The following PRR36 variants were observed in gnomAD, a reference collection of about 807,000 sequenced individuals.
The protein encoded by PRR36 is proline rich 36.
PRR36 carries 30 observed loss-of-function variants against 58.6 expected under a neutral mutation model. The ratio of observed to expected loss-of-function variants is 0.51; its 90% confidence interval spans 0.38 to 0.69. The LOEUF (loss-of-function observed/expected upper bound fraction) is 0.69. Among genes scored for constraint, PRR36 ranks in the 30% least tolerant of loss-of-function variants. The probability of loss-of-function intolerance (pLI) is 0.00; values close to 1 mark genes in which losing one functional copy is unlikely to be tolerated. For missense variants in PRR36, 1,692 were observed against 1,805.6 expected (o/e 0.94, Z 1.14); for synonymous variants, 771 against 829.3 (o/e 0.93, Z 1.21).
rs1411100777 is a variant in PRR36, at chr19:7,870,155, G to A, written c.3089C>T (p.Pro1030Leu). 1 of 1,438,670 alleles carries A rather than the reference G, an allele frequency of 7.0e-7. No homozygotes were observed. Among genetic ancestry groups the A allele is most frequent in the Middle Eastern group, 1.8e-4 (1 of 5,584 alleles). 89.1% of individuals were successfully genotyped at this position (1,438,670 alleles called of 1,614,324 possible). A position where few individuals can be genotyped will look rare whatever the true frequency, so the allele number is the denominator to read the frequency against. The change falls in exon 5 of 6, where the codon CCT becomes CTT. Residue 1030 changes from proline (P) to leucine (L), a missense_variant. Transcript: ENST00000618550. Reference protein sequence around the residue: ...QALPSPPASFPGQAPFSPSAS... With the variant: ...QALPSPPASFLGQAPFSPSAS... Reference sequence around the variant, plus strand: ...AGAGGGTGAGAAAGGGGCCTGCCCAGGGAATGAGGCAGGCGGAGAGGGAAG... The same window carrying A: ...AGAGGGTGAGAAAGGGGCCTGCCCAAGGAATGAGGCAGGCGGAGAGGGAAG...
rs565897246 is a variant in PRR36, at chr19:7,872,184, G to A, written c.1060C>T (p.Pro354Ser). 3.5e-5 allele frequency: 51 copies of A among 1,463,186 alleles called. No homozygotes were observed. The Middle Eastern group carries it at 1.1e-3, about 31-fold the overall frequency. The allele number at this position is 1,463,186 out of a possible 1,614,324, so 90.6% of individuals were successfully genotyped here. ...ALQSQAPPTL[P>S]ATPHSSSLTC... is the part of the protein sequence containing the mutation. ...AGGCTCGACGAGTGGGGCGTGGCCG[G>A]CAGGGTGGGCGGGGCCTGACTTTGG... The change falls in exon 5 of 6, where the codon CCG (proline) becomes TCG (serine). Residue 354 changes from proline (P) to serine (S), a missense_variant. Pro to Ser is a moderately conservative substitution (Grantham distance 74, BLOSUM62 -1). Around this residue, in one of 5 missense-constraint regions of PRR36, gnomAD observed 975 missense variants for 955.2 expected, o/e 1.02. Transcript: ENST00000618550. This position sits in a 1 kb window ranked among gnomAD's most constrained non-coding sequence, Gnocchi z 6.1.
At position 7,869,259 on chromosome 19, in the gene PRR36, C is replaced by T; in HGVS notation, c.3815G>A (p.Gly1272Asp). 1 of 1,469,706 alleles carries T rather than the reference C, an allele frequency of 6.8e-7. No individual in the cohort carries two copies. Among genetic ancestry groups the T allele is most frequent in the Non-Finnish European group, 8.9e-7 (1 of 1,121,084 alleles). 91.0% of individuals were successfully genotyped at this position (1,469,706 alleles called of 1,614,324 possible). ...SRTLLLAAAEGAAGGSGGGPG... is the reference protein window; with the variant it reads ...SRTLLLAAAEDAAGGSGGGPG... ...GCCCCCGCCGCTGCCGCCCGCGGCA[C>T]CCTCGGCAGCCGCCAGCAGCAGCGT... The change falls in exon 6 of 6, where the codon GGT becomes GAT. Residue 1272 changes from glycine to aspartate, a missense_variant. Around this residue, in one of 5 missense-constraint regions of PRR36, gnomAD observed 485 missense variants for 549.2 expected, o/e 0.88. Coordinates refer to ENST00000618550, the MANE Select transcript of PRR36 (RefSeq NM_001190467.2).
At position 7,869,885 on chromosome 19, in the gene PRR36, G is replaced by A; in HGVS notation, c.3359C>T (p.Ala1120Val). Residue 1120 changes from alanine (A) to valine (V), a missense_variant, in exon 5 of 6, where the codon GCC becomes GTC. By Grantham distance (64) the Ala-to-Val change is moderately conservative (BLOSUM62 0). Around this residue, in one of 5 missense-constraint regions of PRR36, gnomAD observed 485 missense variants for 549.2 expected, o/e 0.88. Transcript: ENST00000618550. ...PSSTLSGPDLAGHSSSATSTP... is the reference protein window; with the variant it reads ...PSSTLSGPDLVGHSSSATSTP... ...GCTCGTGGCGCTGCTGCTGTGGCCG[G>A]CCAGGTCTGGGCCGCTCAGCGTGCT... is the stretch of plus-strand genomic sequence containing the variant. 2.2e-6 allele frequency: 3 copies of A among 1,336,992 alleles called. No homozygotes were observed. The highest frequency in any genetic ancestry group is 2.9e-6 in the Non-Finnish European group (3 of 1,050,306). The allele number at this position is 1,336,992 out of a possible 1,614,324, so 82.8% of individuals were successfully genotyped here. A position where few individuals can be genotyped will look rare whatever the true frequency, so the allele number is the denominator to read the frequency against.
chr19:7,871,082 G>C lies in PRR36; in HGVS notation c.2162C>G (p.Ser721Cys). 1.3e-6 allele frequency: 2 copies of C among 1,528,210 alleles called. No homozygotes were observed. The highest frequency in any genetic ancestry group is 1.7e-6 in the Non-Finnish European group (2 of 1,143,212). The allele number at this position is 1,528,210 out of a possible 1,614,324, so 94.7% of individuals were successfully genotyped here. The part of the protein sequence containing the change: ...LETQSSLAPP[S>C]LQTPPASLTT... The stretch of plus-strand genomic sequence containing the variant: ...CAGGGAAGCAGGAGGTGTCTGCAGA[G>C]AGGGTGGGGCTAGGGAAGATTGGGT... The change falls in exon 5 of 6, where the codon TCT becomes TGT. Residue 721 changes from serine (S) to cysteine (C), a missense_variant. This residue lies in a region of PRR36 where 38 missense variants were observed against 100.7 expected (regional missense o/e 0.38). Transcript: ENST00000618550.
Position 7,872,528 on chromosome 19 carries a change from G to T in PRR36, c.716C>A (p.Ser239Ter). The change falls in exon 5 of 6, where the codon TCG (serine) becomes TAG (stop). Residue 239 changes from serine to a stop codon, truncating the protein, a stop_gained. Transcript: ENST00000618550. LOFTEE classifies it high-confidence loss of function. This position sits in a 1 kb window ranked among gnomAD's most constrained non-coding sequence, Gnocchi z 6.1. ...SAGGGLQRPASRSLSSSATPL... is the reference protein window; with the variant it reads ...SAGGGLQRPA The stretch of plus-strand genomic sequence containing the variant: ...GGTGGCGCTGGAGCTCAGGGAGCGC[G>T]AGGCCGGCCTCTGGAGACCCCCACC... 2.6e-6 allele frequency: 4 copies of T among 1,514,344 alleles called. No homozygotes were observed. Among genetic ancestry groups the T allele is most frequent in the Non-Finnish European group, 3.5e-6 (4 of 1,137,656 alleles). The allele number at this position is 1,514,344 out of a possible 1,614,324, so 93.8% of individuals were successfully genotyped here. A position where few individuals can be genotyped will look rare whatever the true frequency, so the allele number is the denominator to read the frequency against.
In PRR36 at chr19:7,873,059, G is replaced by T; in HGVS notation, c.375-98C>A. ...GAAATGGGCATGTGCCCTCTCTGAGGACCAATAATGGCTTTCACCCAATTT... is the reference window on the plus strand; with the variant it reads ...GAAATGGGCATGTGCCCTCTCTGAGTACCAATAATGGCTTTCACCCAATTT... On this transcript the variant is annotated intron_variant, in intron 3 of 5. Transcript: ENST00000618550. This position sits in a 1 kb window ranked among gnomAD's most constrained non-coding sequence, Gnocchi z 5.0. 1 of 1,320,590 alleles carries T rather than the reference G, an allele frequency of 7.6e-7. No individual in the cohort carries two copies. Among genetic ancestry groups the T allele is most frequent in the Non-Finnish European group, 1.0e-6 (1 of 957,554 alleles). 81.8% of individuals were successfully genotyped at this position (1,320,590 alleles called of 1,614,324 possible). A position where few individuals can be genotyped will look rare whatever the true frequency, so the allele number is the denominator to read the frequency against.
Position 7,873,819 on chromosome 19 carries a change from C to A in PRR36, c.-7-123G>T. 1 of 1,003,514 alleles carries A rather than the reference C, an allele frequency of 1.0e-6. No individual in the cohort carries two copies. Among genetic ancestry groups the A allele is most frequent in the Non-Finnish European group, 1.4e-6 (1 of 702,652 alleles). 62.2% of individuals were successfully genotyped at this position (1,003,514 alleles called of 1,614,324 possible). A position where few individuals can be genotyped will look rare whatever the true frequency, so the allele number is the denominator to read the frequency against. ...CACCCATGGACACTCAAACCTCGGCCTCGGCTTCCATCCGCTCGGCTCCCA... is the reference window on the plus strand; with the variant it reads ...CACCCATGGACACTCAAACCTCGGCATCGGCTTCCATCCGCTCGGCTCCCA... On this transcript the variant is annotated intron_variant, in intron 1 of 5. Coordinates refer to ENST00000618550, the MANE Select transcript of PRR36 (RefSeq NM_001190467.2). The surrounding 1 kb of genome is among the most constrained non-coding windows in gnomAD (Gnocchi z 5.0).
Position 7,869,727 on chromosome 19 carries a change from G to C in PRR36, c.3517C>G (p.Arg1173Gly). The change falls in exon 5 of 6, where the codon CGC (arginine) becomes GGC (glycine). Residue 1173 changes from arginine to glycine, a missense_variant. By Grantham distance (125) the Arg-to-Gly change is moderately radical (BLOSUM62 -2). This residue lies in a region of PRR36 where 485 missense variants were observed against 549.2 expected (regional missense o/e 0.88). Transcript: ENST00000618550. ...SRGPAPPLAF[R>G]GAPGAPLPWP... ...GGGTGCCCCTTACCTGGGGCTCCGCGGAAAGCCAGCGGCGGAGCGGGGCCT... is the reference window on the plus strand; with the variant it reads ...GGGTGCCCCTTACCTGGGGCTCCGCCGAAAGCCAGCGGCGGAGCGGGGCCT... 7.4e-7 allele frequency: 1 copy of C among 1,344,796 alleles called. No homozygotes were observed. The highest frequency in any genetic ancestry group is 9.5e-7 in the Non-Finnish European group (1 of 1,052,376). The allele number at this position is 1,344,796 out of a possible 1,614,324, so 83.3% of individuals were successfully genotyped here. A position where few individuals can be genotyped will look rare whatever the true frequency, so the allele number is the denominator to read the frequency against.
At position 7,871,397 on chromosome 19, in the gene PRR36, G is replaced by T. The variant is rs1980437326; in HGVS notation, c.1847C>A (p.Ser616Tyr). The T allele has an allele frequency of 1.3e-6, 2 of 1,535,858 alleles. No individual in the cohort carries two copies. Among genetic ancestry groups the T allele is most frequent in the South Asian group, 2.4e-5 (2 of 84,058 alleles). ...LALSSLQATT[S>Y]LGSPTLQATH... Reference sequence around the variant, plus strand: ...GGCCTGCAGAGTGGGTGAGCCCAAAGAAGTTGTGGCCTGCAGAGAGGACAA... The same window carrying T: ...GGCCTGCAGAGTGGGTGAGCCCAAATAAGTTGTGGCCTGCAGAGAGGACAA... The change falls in exon 5 of 6, where the codon TCT becomes TAT. Residue 616 changes from serine (S) to tyrosine (Y), a missense_variant. Around this residue, in one of 5 missense-constraint regions of PRR36, gnomAD observed 975 missense variants for 955.2 expected, o/e 1.02. Transcript: ENST00000618550.
In PRR36 at chr19:7,872,564, C is replaced by T; in HGVS notation, c.680G>A (p.Arg227Gln). ...CTGGAGACCCCCACCGGCGCTGGGC[C>T]GCCTCCTGGCAGCCGGGCTTGGCTC... ...TTEPSPAARRRPSAGGGLQRP... is the reference protein window; with the variant it reads ...TTEPSPAARRQPSAGGGLQRP... The change falls in exon 5 of 6, where the codon CGG (arginine) becomes CAG (glutamine). Residue 227 changes from arginine (R) to glutamine (Q), a missense_variant. Coordinates refer to ENST00000618550, the MANE Select transcript of PRR36 (RefSeq NM_001190467.2). The surrounding 1 kb of genome is among the most constrained non-coding windows in gnomAD (Gnocchi z 6.1). 6.6e-7 allele frequency: 1 copy of T among 1,521,820 alleles called. No homozygotes were observed. Among genetic ancestry groups the T allele is most frequent in the Non-Finnish European group, 8.8e-7 (1 of 1,141,388 alleles). The allele number at this position is 1,521,820 out of a possible 1,614,324, so 94.3% of individuals were successfully genotyped here.
At position 7,873,712 on chromosome 19, in the gene PRR36, G is replaced by A. The variant is rs1296718530; in HGVS notation, c.-7-16C>T. On this transcript the variant is annotated splice_polypyrimidine_tract_variant and intron_variant, in intron 1 of 5. Transcript: ENST00000618550. The surrounding 1 kb of genome is among the most constrained non-coding windows in gnomAD (Gnocchi z 5.0). ...CATCTTGCACCTGAAGAGACAAACCGGTCCGCATCCCAGGTTCTGGACAGC... is the reference window on the plus strand; with the variant it reads ...CATCTTGCACCTGAAGAGACAAACCAGTCCGCATCCCAGGTTCTGGACAGC... 2 of 1,530,830 alleles carry A rather than the reference G, an allele frequency of 1.3e-6. No individual in the cohort carries two copies. Among genetic ancestry groups the A allele is most frequent in the South Asian group, 1.2e-5 (1 of 83,764 alleles). 94.8% of individuals were successfully genotyped at this position (1,530,830 alleles called of 1,614,324 possible). A position where few individuals can be genotyped will look rare whatever the true frequency, so the allele number is the denominator to read the frequency against.
Position 7,869,540 on chromosome 19 carries a change from C to G in PRR36, c.3534G>C (p.Ala1178=). The G allele has an allele frequency of 6.6e-7, 1 of 1,517,218 alleles. No individual in the cohort carries two copies. The highest frequency in any genetic ancestry group is 2.6e-5 in the East Asian group (1 of 37,804). 94.0% of individuals were successfully genotyped at this position (1,517,218 alleles called of 1,614,324 possible). A position where few individuals can be genotyped will look rare whatever the true frequency, so the allele number is the denominator to read the frequency against. The change falls in exon 6 of 6, where the codon GCG becomes GCC. Residue 1178 remains alanine (A), a synonymous_variant. Transcript: ENST00000618550. Reference sequence around the variant, plus strand: ...CGGTAGCGGGAGGCCACGGCAGGGGCGCACCTGCGGGGAGAGACGCCAGGT... The same window carrying G: ...CGGTAGCGGGAGGCCACGGCAGGGGGGCACCTGCGGGGAGAGACGCCAGGT... ...PPLAFRGAPG[A]PLPWPPATGP... is the part of the protein sequence containing the mutation.
chr19:7,869,468 C>G lies in PRR36; in HGVS notation c.3606G>C (p.Gly1202=). ...CAGGGGCGGGGGTCGCCGACTCGGG[C>G]CCTTCAGTCTCGTAGATGGTGCACA... ...DGLCTIYETE[G]PESATPAPGA... Residue 1202 remains glycine, a synonymous_variant, in exon 6 of 6, where the codon GGG becomes GGC. Transcript: ENST00000618550. 6.6e-7 allele frequency: 1 copy of G among 1,505,702 alleles called. No individual in the cohort carries two copies. Among genetic ancestry groups the G allele is most frequent in the Non-Finnish European group, 8.8e-7 (1 of 1,133,924 alleles). The allele number at this position is 1,505,702 out of a possible 1,614,324, so 93.3% of individuals were successfully genotyped here. A position where few individuals can be genotyped will look rare whatever the true frequency, so the allele number is the denominator to read the frequency against.
In PRR36 at chr19:7,873,544, G is replaced by A. The variant is rs745830417; in HGVS notation, c.146C>T (p.Ala49Val). ...AGGCTTTCGCCCCACTGCTCCCGCA[G>A]CTCCCAGAACTCGGAGGGCTGCGGG... ...VTPAALRVLG[A>V]AGAVGRKPLA... Residue 49 changes from alanine to valine, a missense_variant, in exon 2 of 6, where the codon GCT (alanine) becomes GTT (valine). Transcript: ENST00000618550. This position sits in a 1 kb window ranked among gnomAD's most constrained non-coding sequence, Gnocchi z 5.0. 1 of 1,534,702 alleles carries A rather than the reference G, an allele frequency of 6.5e-7. No homozygotes were observed. Among genetic ancestry groups the A allele is most frequent in the South Asian group, 1.2e-5 (1 of 84,010 alleles).
In PRR36 at chr19:7,872,249, G is replaced by A; in HGVS notation, c.995C>T (p.Pro332Leu). ...AGGGGGCGTTACCGGTGGAGAGGGAGGGAGCGTGGCTGGCAGGGGAGTGGC... is the reference window on the plus strand; with the variant it reads ...AGGGGGCGTTACCGGTGGAGAGGGAAGGAGCGTGGCTGGCAGGGGAGTGGC... ...NAATPLPATL[P>L]PSPPVTPPPP... The change falls in exon 5 of 6, where the codon CCT becomes CTT. Residue 332 changes from proline (P) to leucine (L), a missense_variant. Physicochemically the swap from Pro to Leu is moderately conservative, Grantham distance 98. Around this residue, in one of 5 missense-constraint regions of PRR36, gnomAD observed 975 missense variants for 955.2 expected, o/e 1.02. Transcript: ENST00000618550. The surrounding 1 kb of genome is among the most constrained non-coding windows in gnomAD (Gnocchi z 6.1). The A allele has an allele frequency of 6.9e-7, 1 of 1,457,896 alleles. No homozygotes were observed. The highest frequency in any genetic ancestry group is 1.4e-5 in the African/African-American group (1 of 70,404). The allele number at this position is 1,457,896 out of a possible 1,614,324, so 90.3% of individuals were successfully genotyped here.
chr19:7,869,004 G>A lies in PRR36; in HGVS notation c.*29C>T. On this transcript the variant is annotated 3_prime_UTR_variant, in exon 6 of 6. Transcript: ENST00000618550. ...AGGGGCGGATCCTAAGGCAGGGGTG[G>A]GGTGTAGCAGGCGGGGCTGTGGTCT... The A allele has an allele frequency of 6.7e-7, 1 of 1,482,116 alleles. No homozygotes were observed. The highest frequency in any genetic ancestry group is 8.9e-7 in the Non-Finnish European group (1 of 1,118,264). 91.8% of individuals were successfully genotyped at this position (1,482,116 alleles called of 1,614,324 possible). A position where few individuals can be genotyped will look rare whatever the true frequency, so the allele number is the denominator to read the frequency against.
rs1479341890 is a variant in PRR36 at position 7,871,960 on chromosome 19, T to A, written c.1284A>T (p.Ser428=). The change falls in exon 5 of 6, where the codon TCA becomes TCT. Residue 428 remains serine, a synonymous_variant. Transcript: ENST00000618550. ...TGGGGGGCATACTCTGCAGAGGGGA[T>A]GAAACTGATGGAGAGACTGAAGCCA... ...AFVASVSPSV[S]SPLQSMPPTQ... is the part of the protein sequence containing the mutation. The A allele has an allele frequency of 6.5e-7, 1 of 1,534,428 alleles. No individual in the cohort carries two copies.
In PRR36 at chr19:7,868,806, G is replaced by A. The variant is rs1164164053; in HGVS notation, c.*227C>T. ...CACACGGGGCGGGACTCGGGGAAACGGGGCGTGTCCTAGGCCAAAGGGGCG... is the reference window on the plus strand; with the variant it reads ...CACACGGGGCGGGACTCGGGGAAACAGGGCGTGTCCTAGGCCAAAGGGGCG... On this transcript the variant is annotated 3_prime_UTR_variant, in exon 6 of 6. Coordinates refer to ENST00000618550, the MANE Select transcript of PRR36 (RefSeq NM_001190467.2). The A allele has an allele frequency of 4.1e-6, 2 of 486,608 alleles. No homozygotes were observed. Among genetic ancestry groups the A allele is most frequent in the Non-Finnish European group, 7.2e-6 (2 of 279,516 alleles). 30.1% of individuals were successfully genotyped at this position (486,608 alleles called of 1,614,324 possible).
Position 7,869,319 on chromosome 19 carries a change from A to G in PRR36, c.3755T>C (p.Leu1252Pro). 1 of 1,429,660 alleles carries G rather than the reference A, an allele frequency of 7.0e-7. No homozygotes were observed. The highest frequency in any genetic ancestry group is 9.1e-7 in the Non-Finnish European group (1 of 1,100,458). 88.6% of individuals were successfully genotyped at this position (1,429,660 alleles called of 1,614,324 possible). ...CAGGTGCTGCACGACGCTCGCCTGCAGCGCCCCCAGTGGCAGCTCGCCCAG... is the reference window on the plus strand; with the variant it reads ...CAGGTGCTGCACGACGCTCGCCTGCGGCGCCCCCAGTGGCAGCTCGCCCAG... ...ARLGELPLGA[L>P]QASVVQHLLS... The change falls in exon 6 of 6, where the codon CTG becomes CCG. Residue 1252 changes from leucine (L) to proline (P), a missense_variant. By Grantham distance (98) the Leu-to-Pro change is moderately conservative (BLOSUM62 -3). This residue lies in a region of PRR36 where 485 missense variants were observed against 549.2 expected (regional missense o/e 0.88). Coordinates refer to ENST00000618550, the MANE Select transcript of PRR36 (RefSeq NM_001190467.2).
Sources: gnomAD v4.1 joint callset for allele counts on GRCh38, gnomAD v4.1.1 for gene constraint, gnomAD v4.1.1 regional missense constraint, Gnocchi (gnomAD v3.1) non-coding constraint, MANE v1.5 for transcripts, NCBI Gene and HGNC (gene_info 2026-07-23, HGNC 2026-07-21) for gene names.